Variants in UBXN11 observed in about 807,000 individuals in gnomAD.
UBXN11 encodes UBX domain protein 11.
Under a neutral mutation model 62.8 loss-of-function variants are expected in UBXN11, and 47 were observed. That is an observed-to-expected ratio of 0.75 (90% confidence interval 0.59 to 0.95). The LOEUF (loss-of-function observed/expected upper bound fraction) is 0.95. UBXN11 is among the 40% of genes least tolerant of loss of function. The pLI is 0.00. For missense variants in UBXN11, 638 were observed against 661.7 expected (o/e 0.96, Z 0.39); for synonymous variants, 294 against 267.0 (o/e 1.10, Z -0.99).
At chr1:26,295,046 A>T (rs1365092676) in intron 7 of UBXN11, among the ~76,000 whole-genome samples, 1 of 152,164 alleles carries the variant, frequency 6.6e-6, no homozygotes, top group Non-Finnish European at 1.5e-5. Flanking sequence ...TATATACGAC[A>T]GAACCCAAGT....
intron 7 of UBXN11, among the ~76,000 whole-genome samples, chr1:26,296,368 G>T (rs547607842): frequency 4.3e-4 from 65 of 152,242 alleles, no homozygotes; most frequent in Non-Finnish European, 8.1e-4. Context: ...AGTCCCACAA[G>T]GGAAGAGAGA....
At chr1:26,307,938 C>T (rs982356074), upstream of UBXN11, among the ~76,000 whole-genome samples, 3 of 152,108 alleles carry the variant, frequency 2.0e-5, no homozygotes, top group African/African-American at 7.2e-5. Context: ...AGAGCTACTA[C>T]TACTGAGTGC....
chr1:26,296,738 C>T (rs1028759824), intron 7 of UBXN11, among the ~76,000 whole-genome samples, 181 bp downstream of exon 7: 1 of 152,156 alleles, frequency 6.6e-6, no homozygotes, highest in East Asian at 1.9e-4. Flanking sequence ...GCCCCAGACA[C>T]CTCCCTGGCT....
In UBXN11 at chr1:26,282,320, T is replaced by A. The variant is rs369226820; in HGVS notation, c.1542A>T (p.Gly514=). The stretch of plus-strand genomic sequence containing the variant: ...TGCTTTATTGGGGGCTGGGACTGGG[T>A]CCAGGACAGGGACTGGGGCCGGGAC... The part of the protein sequence containing the change: ...GPGPGPSPCP[G]PSPSPQ The change falls in exon 15 of 15, where the codon GGA becomes GGT. Residue 514 remains glycine, a synonymous_variant. Coordinates refer to ENST00000374222, the MANE Select transcript of UBXN11 (RefSeq NM_001389556.1). The A allele has an allele frequency of 1.5e-6, 2 of 1,361,166 alleles. No homozygotes were observed. Among genetic ancestry groups the A allele is most frequent in the Non-Finnish European group, 9.4e-7 (1 of 1,058,270 alleles). The allele number at this position is 1,361,166 out of a possible 1,614,324, so 84.3% of individuals were successfully genotyped here.
At position 26,297,005 on chromosome 1, in the gene UBXN11, A is replaced by G. The variant is rs762178763; in HGVS notation, c.356-10T>C. 1.9e-6 allele frequency: 3 copies of G among 1,597,418 alleles called. No homozygotes were observed. In the African/African-American group the frequency reaches 4.0e-5, roughly 21 times the overall value. On this transcript the variant is annotated splice_polypyrimidine_tract_variant and intron_variant, in intron 6 of 14. Coordinates refer to ENST00000374222, the MANE Select transcript of UBXN11 (RefSeq NM_001389556.1). ...TGCAGGGTTGCCTCGGCTTCAGGGA[A>G]AGACAGGGACAGGCTTCAGCTGCCC...
chr1:26,291,232 G>A (rs2073257066), intron 8 of UBXN11, among the ~76,000 whole-genome samples: 1 of 152,206 alleles, frequency 6.6e-6, no homozygotes, highest in South Asian at 2.1e-4. Flanking sequence ...GGGCCAGGCT[G>A]TGAGCCTGAG....
chr1:26,297,119 C>G (rs1270944150), intron 6 of UBXN11, 124 bp from the exon 7 acceptor site: 2 of 1,177,778 alleles, frequency 1.7e-6, no homozygotes, highest in East Asian at 2.6e-5. Context: ...CTTGGCCCCC[C>G]ACCTCTCTGG....
chr1:26,306,923 C>T (rs1309882187), upstream of UBXN11: 1 of 149,888 alleles, frequency 6.7e-6, no homozygotes, highest in African/African-American at 2.5e-5. Flanking sequence ...ACATTCAGGA[C>T]CTGAATGTGT....
At chr1:26,307,504 T>C (rs964866604), upstream of UBXN11, among the ~76,000 whole-genome samples, 2 of 151,970 alleles carry the variant, frequency 1.3e-5, no homozygotes, top group Admixed American at 1.3e-4. Flanking sequence ...CATCATCATC[T>C]CTTCACCCTT....
Position 26,318,246 on chromosome 1 carries a change from C to T in UBXN11, c.-348G>A, listed in dbSNP as rs2124684625. Reference sequence around the variant, plus strand: ...GGCCTGGCCGCCCAGCCTTCCAGCTCTTCTGGCTGGGGCTGCACTGCTTGC... The same window carrying T: ...GGCCTGGCCGCCCAGCCTTCCAGCTTTTCTGGCTGGGGCTGCACTGCTTGC... On this transcript the variant is annotated 5_prime_UTR_variant, in exon 1 of 15. Coordinates refer to the UBXN11 transcript ENST00000374217. 6.5e-6 allele frequency: 4 copies of T among 617,790 alleles called. No individual in the cohort carries two copies. In the East Asian group the frequency reaches 8.3e-5, roughly 13 times the overall value. 38.3% of individuals were successfully genotyped at this position (617,790 alleles called of 1,614,324 possible). A position where few individuals can be genotyped will look rare whatever the true frequency, so the allele number is the denominator to read the frequency against.
intron 10 of UBXN11, chr1:26,284,866 C>G: frequency 9.8e-7 from 1 of 1,017,016 alleles, no homozygotes; most frequent in Non-Finnish European, 1.2e-6. Flanking sequence ...AGGCATAGCT[C>G]CGAGGTCCCC....
upstream of UBXN11, among the ~76,000 whole-genome samples, chr1:26,307,385 C>T (rs1474731995): frequency 6.6e-6 from 1 of 152,104 alleles, no homozygotes; most frequent in Non-Finnish European, 1.5e-5. Flanking sequence ...ACTGGGTTGC[C>T]GTGAGGATTA....
intron 1 of UBXN11, among the ~76,000 whole-genome samples, chr1:26,317,169 A>G (rs976364685): frequency 6.6e-6 from 1 of 151,788 alleles, no homozygotes; most frequent in African/African-American, 2.4e-5. Context: ...TGAACCCAGG[A>G]GGTGGAGGTT....
At chr1:26,309,245 A>ATTTTTTTTT (rs34740186), upstream of UBXN11, among the ~76,000 whole-genome samples, 10 of 112,524 alleles carry the variant, frequency 8.9e-5, 1 homozygote, top group African/African-American at 1.1e-4. Flanking sequence ...GAGTCAATTG[A>ATTTTTTTTT]TTTTTTTTTT....
intron 3 of UBXN11, 52 bp downstream of exon 3, chr1:26,301,642 G>A (rs2073536499): frequency 1.9e-6 from 3 of 1,608,596 alleles, no homozygotes; most frequent in South Asian, 1.1e-5. Context: ...CCAACTGTAG[G>A]AGGTGCAAGC....
In UBXN11 at chr1:26,285,859, G is replaced by A. The variant is rs754759642; in HGVS notation, c.738C>T (p.Asp246=). The A allele has an allele frequency of 2.0e-5, 32 of 1,611,384 alleles. No individual in the cohort carries two copies. Among genetic ancestry groups the A allele is most frequent in the South Asian group, 7.7e-5 (7 of 90,984 alleles). Residue 246 remains aspartate (D), a synonymous_variant, in exon 9 of 15, where the codon GAC becomes GAT. Transcript: ENST00000374222. ...GATCGTAGAAGGGCTGGAAGGGCCC[G>A]TCGAACATCATGATGCCATTCCGGT... ...KLYRNGIMMF[D]GPFQPFYDPS... is the part of the protein sequence containing the mutation.
intron 8 of UBXN11, 88 bp from the exon 9 acceptor site, chr1:26,286,125 G>T: frequency 1.6e-6 from 2 of 1,277,950 alleles, no homozygotes; most frequent in Non-Finnish European, 2.1e-6. Flanking sequence ...CCCAAGCTGG[G>T]CAGTGGTCTT....
rs1191665344 is a variant in UBXN11, at chr1:26,282,465, G to A, written c.1397C>T (p.Ala466Val). 3.7e-6 allele frequency: 6 copies of A among 1,608,358 alleles called. No homozygotes were observed. The highest frequency in any genetic ancestry group is 2.7e-5 in the African/African-American group (2 of 74,824). ...LQAAGLVPKA[A>V]LLLRARRAPK... Reference sequence around the variant, plus strand: ...GGCTCGGCGTGCCCGCAGCAGCAGTGCTGCTTTGGGCACAAGGCCTGCAGC... The same window carrying A: ...GGCTCGGCGTGCCCGCAGCAGCAGTACTGCTTTGGGCACAAGGCCTGCAGC... Residue 466 changes from alanine (A) to valine (V), a missense_variant, in exon 15 of 15, where the codon GCA becomes GTA. Transcript: ENST00000374222.
chr1:26,293,105 A>G (rs1473218487), intron 8 of UBXN11, among the ~76,000 whole-genome samples: 1 of 152,166 alleles, frequency 6.6e-6, no homozygotes, highest in East Asian at 1.9e-4. Flanking sequence ...CAGACTTTGG[A>G]AACAACAATG....
Sources: allele counts gnomAD v4.1 joint callset (sites outside exome capture counted in the v4.1 genomes callset), GRCh38; gene constraint gnomAD v4.1.1; transcripts MANE v1.5; gene names NCBI Gene and HGNC (gene_info 2026-07-23, HGNC 2026-07-21).